Variants in OTULINL observed in about 807,000 individuals in gnomAD.
OTULINL encodes inactive ubiquitin thioesterase OTULINL.
A neutral mutation model predicts 43.9 loss-of-function variants in OTULINL; 42 were observed. The ratio of observed to expected loss-of-function variants is 0.96; its 90% CI spans 0.75 to 1.24. The LOEUF (loss-of-function observed/expected upper bound fraction) is 1.24. Ranked by LOEUF, OTULINL falls within the 50% of genes most tolerant of loss-of-function variation. The pLI is 0.00. For missense variants in OTULINL, 411 were observed against 426.4 expected (o/e 0.96, Z 0.32); for synonymous variants, 172 against 153.6 (o/e 1.12, Z -0.88).
chr5:14,586,488 C>T (rs1759103072), intron 1 of OTULINL, among the ~76,000 whole-genome samples: 1 of 152,076 alleles, frequency 6.6e-6, no homozygotes, highest in Non-Finnish European at 1.5e-5. Flanking sequence ...AACAAAAATC[C>T]CAGAAACTGT....
At chr5:14,605,362 A>C (rs1759455942) in intron 5 of OTULINL, among the ~76,000 whole-genome samples, 1 of 111,600 alleles carries the variant, frequency 9.0e-6, no homozygotes, top group South Asian at 3.2e-4. Flanking sequence ...GGCCCATGGA[A>C]CTGCTTTTTG....
chr5:14,592,235 A>C (rs114054244), intron 1 of OTULINL, among the ~76,000 whole-genome samples: 1,766 of 152,324 alleles, frequency 0.012, 33 homozygotes, highest in African/African-American at 0.04. Context: ...GAGAAGACTG[A>C]CCAGGACCAC....
chr5:14,591,611 C>T (rs541023295), intron 1 of OTULINL, among the ~76,000 whole-genome samples: 21 of 152,292 alleles, frequency 1.4e-4, no homozygotes, highest in South Asian at 2.1e-4. Flanking sequence ...GCCTCTCCAC[C>T]GGGAAACTTG....
chr5:14,612,191 T>C lies in OTULINL; in HGVS notation c.*1877T>C, dbSNP rs1759593863. ...AACCAAGAAAGCATGAACGTTACCC[T>C]TTCTGGTGACAGCCTGCCATGGGCT... On this transcript the variant is annotated 3_prime_UTR_variant, in exon 8 of 8. Transcript: ENST00000274217. 1 of 152,248 alleles carries C rather than the reference T, an allele frequency of 6.6e-6. No individual in the cohort carries two copies. Among genetic ancestry groups the C allele is most frequent in the South Asian group, 2.1e-4 (1 of 4,836 alleles). 9.4% of individuals were successfully genotyped at this position (152,248 alleles called of 1,614,324 possible). A position where few individuals can be genotyped will look rare whatever the true frequency, so the allele number is the denominator to read the frequency against.
chr5:14,595,868 A>G (rs372072238), intron 1 of OTULINL, among the ~76,000 whole-genome samples: 7 of 151,820 alleles, frequency 4.6e-5, no homozygotes, highest in South Asian at 4.2e-4. Context: ...AGGGGGATGT[A>G]TGAGACCTAG....
chr5:14,611,683 A>G lies in OTULINL; in HGVS notation c.*1369A>G, dbSNP rs529240426. The G allele has an allele frequency of 6.6e-6, 1 of 152,058 alleles. No homozygotes were observed. Among genetic ancestry groups the G allele is most frequent in the South Asian group, 2.1e-4 (1 of 4,812 alleles). The allele number at this position is 152,058 out of a possible 1,614,324, so 9.4% of individuals were successfully genotyped here. On this transcript the variant is annotated 3_prime_UTR_variant, in exon 8 of 8. Transcript: ENST00000274217. The stretch of plus-strand genomic sequence containing the variant: ...TTTTGGTCGTCTTTATTTTGGAAAT[A>G]CTTTTCTAGTTTAATTTGATAGTTT...
chr5:14,586,647 C>T (rs978319404), intron 1 of OTULINL, among the ~76,000 whole-genome samples: 2 of 152,154 alleles, frequency 1.3e-5, no homozygotes, highest in African/African-American at 2.4e-5. Context: ...AGCTCTTTCT[C>T]CTCTTGCCAT....
At chr5:14,585,615 T>A (rs1759091381) in intron 1 of OTULINL, among the ~76,000 whole-genome samples, 1 of 152,196 alleles carries the variant, frequency 6.6e-6, no homozygotes, top group African/African-American at 2.4e-5. Flanking sequence ...CCAGTGCTTG[T>A]CCCTGTCACA....
At position 14,613,742 on chromosome 5, in the gene OTULINL, C is replaced by G. The variant is rs893494736; in HGVS notation, c.*3428C>G. 2.0e-5 allele frequency among the ~76,000 whole-genome samples: 3 copies of G among 152,096 alleles called. No individual in the cohort carries two copies. Among genetic ancestry groups the G allele is most frequent in the African/African-American group, 7.2e-5 (3 of 41,422 alleles). On this transcript the variant is annotated 3_prime_UTR_variant, in exon 8 of 8. Coordinates refer to ENST00000274217, the MANE Select transcript of OTULINL (RefSeq NM_019018.3). ...CCCAAGGGAGAGTCAGGTGAAAGTC[C>G]CCAGGGCCCTCTCTAGGGGACCGGA... is the stretch of plus-strand genomic sequence containing the variant.
intron 5 of OTULINL, among the ~76,000 whole-genome samples, chr5:14,604,398 A>G (rs1377269097): frequency 1.3e-5 from 2 of 152,136 alleles, no homozygotes; most frequent in African/African-American, 4.8e-5. Context: ...AAACCATATT[A>G]TTCCACCCCT....
In OTULINL at chr5:14,615,311, T is replaced by G. The variant is rs1290210340; in HGVS notation, c.*4997T>G. On this transcript the variant is annotated 3_prime_UTR_variant, in exon 8 of 8. Coordinates refer to ENST00000274217, the MANE Select transcript of OTULINL (RefSeq NM_019018.3). ...AGACTCTGGGAAACAACTTGGGAACTGCTTCAAGTCCATGCCAGGTCATGG... is the reference window on the plus strand; with the variant it reads ...AGACTCTGGGAAACAACTTGGGAACGGCTTCAAGTCCATGCCAGGTCATGG... Among the ~76,000 whole-genome samples, 1 of 152,256 alleles carries G rather than the reference T, an allele frequency of 6.6e-6. No homozygotes were observed. The highest frequency in any genetic ancestry group is 6.5e-5 in the Admixed American group (1 of 15,290).
chr5:14,601,519 T>G (rs1759389578), intron 4 of OTULINL, 77 bp downstream of exon 4: 2 of 1,316,446 alleles, frequency 1.5e-6, no homozygotes, highest in Non-Finnish European at 2.1e-6. Flanking sequence ...CCCTTCTGCT[T>G]TACTAAATCC....
intron 1 of OTULINL, among the ~76,000 whole-genome samples, chr5:14,600,305 C>T (rs1001228638): frequency 1.3e-5 from 2 of 152,236 alleles, no homozygotes; most frequent in African/African-American, 4.8e-5. Flanking sequence ...CCTGAGACAT[C>T]CTCAGCCATG....
At chr5:14,582,463 A>T (rs1207966670) in intron 1 of OTULINL, among the ~76,000 whole-genome samples, 2 of 151,764 alleles carry the variant, frequency 1.3e-5, no homozygotes, top group Non-Finnish European at 2.9e-5. Context: ...GGCAGTCGAG[A>T]CTTGCTAACA....
intron 5 of OTULINL, among the ~76,000 whole-genome samples, chr5:14,606,528 T>A (rs1444770918): frequency 6.6e-6 from 1 of 152,254 alleles, no homozygotes; most frequent in Non-Finnish European, 1.5e-5. Flanking sequence ...TACACCATAA[T>A]CTTATTTAAT....
At position 14,582,650 on chromosome 5, in the gene OTULINL, C is replaced by T. The variant is rs1203712683; in HGVS notation, c.64+692C>T. 2.6e-5 allele frequency among the ~76,000 whole-genome samples: 4 copies of T among 151,692 alleles called. No homozygotes were observed. In the East Asian group the frequency reaches 7.8e-4, roughly 29 times the overall value. ...CCAGCATAGTGAAACCTTGTCTCTA[C>T]TAAAAATACAAAAAATTATCCGGGC... is the stretch of plus-strand genomic sequence containing the variant. On this transcript the variant is annotated intron_variant, in intron 1 of 7. Coordinates refer to ENST00000274217, the MANE Select transcript of OTULINL (RefSeq NM_019018.3).
At chr5:14,607,303 A>T (rs755437049) in intron 5 of OTULINL, 27 bp from the exon 6 acceptor site, 1 of 1,611,816 alleles carries the variant, frequency 6.2e-7, no homozygotes, top group African/African-American at 1.3e-5. Context: ...TATGCTAATC[A>T]TAGTTGGCAT....
At position 14,584,107 on chromosome 5, in the gene OTULINL, A is replaced by G. The variant is rs373228940; in HGVS notation, c.64+2149A>G. On this transcript the variant is annotated intron_variant, in intron 1 of 7. Transcript: ENST00000274217. The stretch of plus-strand genomic sequence containing the variant: ...TAGGAAGGCAGGGAGAAGTGGTCAT[A>G]GAGTGGAATAAGCTCACAGTCGCCA... Among the ~76,000 whole-genome samples, 51 of 152,352 alleles carry G rather than the reference A, an allele frequency of 3.3e-4. No homozygotes were observed. The East Asian group carries it at 5.2e-3, about 16-fold the overall frequency.
Position 14,602,205 on chromosome 5 carries a change from G to C in OTULINL, c.371G>C (p.Arg124Pro). The change falls in exon 5 of 8, where the codon CGG becomes CCG. Residue 124 changes from arginine (R) to proline (P), a missense_variant. Transcript: ENST00000274217. ...TAGGCTTATGAGGAGCTATTTTGGC[G>C]GCATCACATTAAATGTGTTCGACAA... ...MRKAYEELFW[R>P]HHIKCVRQVR... The C allele has an allele frequency of 6.2e-7, 1 of 1,604,918 alleles. No homozygotes were observed.
Sources: allele counts gnomAD v4.1 joint callset (sites outside exome capture counted in the v4.1 genomes callset), GRCh38; gene constraint gnomAD v4.1.1; transcripts MANE v1.5; gene names NCBI Gene and HGNC (gene_info 2026-07-23, HGNC 2026-07-21).